ZNF248: variants seen among roughly 807,000 people sequenced by gnomAD.
ZNF248 encodes zinc finger protein 248.
Under a neutral mutation model 44.3 loss-of-function variants are expected in ZNF248, and 20 were observed. The ratio of observed to expected loss-of-function variants is 0.45; its 90% CI spans 0.32 to 0.66. The LOEUF (loss-of-function observed/expected upper bound fraction) is 0.66. ZNF248 is among the 30% of genes least tolerant of loss of function. The pLI, the probability that ZNF248 is intolerant of heterozygous loss-of-function variation, is 0.04. For missense variants in ZNF248, 654 were observed against 677.0 expected (o/e 0.97, Z 0.38); for synonymous variants, 224 against 229.0 (o/e 0.98, Z 0.20).
chr10:37,851,149 C>A (rs1025890930), intron 3 of ZNF248, among the ~76,000 whole-genome samples: 2 of 151,934 alleles, frequency 1.3e-5, no homozygotes, highest in African/African-American at 4.8e-5. Flanking sequence ...AATATGCCAC[C>A]CCAAAATATG....
At chr10:37,857,677 CACA>C (rs982602019), upstream of ZNF248, 7 of 152,304 alleles carry the variant, frequency 4.6e-5, no homozygotes, top group Admixed American at 2.0e-4. Context: ...TGCGCACGCG[CACA>C]ACAAACGTCA....
chr10:37,829,290 G>A lies in ZNF248; in HGVS notation c.*2325C>T, dbSNP rs2054985625. ...AGGCTCAGAATGGCAATGGCTTCCT[G>A]CTGATACAAGTCTCTGGGTGTTTCA... On this transcript the variant is annotated 3_prime_UTR_variant, in exon 6 of 6. Transcript: ENST00000395867. 4.1e-6 allele frequency: 4 copies of A among 985,322 alleles called. No homozygotes were observed. The highest frequency in any genetic ancestry group is 4.8e-6 in the Non-Finnish European group (4 of 829,880). The allele number at this position is 985,322 out of a possible 1,614,324, so 61.0% of individuals were successfully genotyped here.
intron 3 of ZNF248, among the ~76,000 whole-genome samples, chr10:37,841,043 CTTT>C (rs1169978866): frequency 6.6e-6 from 1 of 152,192 alleles, no homozygotes; most frequent in African/African-American, 2.4e-5. Flanking sequence ...GAAAATCCTT[CTTT>C]AAGACTGTCT....
At chr10:37,819,367 A>C in intron 6 of ZNF248, 1 of 1,283,896 alleles carries the variant, frequency 7.8e-7, no homozygotes. Flanking sequence ...CCAGTTCTTT[A>C]TGAATCCAGT....
At chr10:37,808,602 AC>A (rs2050974456) in intron 6 of ZNF248, among the ~76,000 whole-genome samples, 1 of 152,006 alleles carries the variant, frequency 6.6e-6, no homozygotes, top group Non-Finnish European at 1.5e-5. Context: ...AATCTTTTCA[AC>A]ATGTTCCTGA....
Position 37,831,410 on chromosome 10 carries a change from T to A in ZNF248, c.*205A>T, listed in dbSNP as rs2055586834. On this transcript the variant is annotated 3_prime_UTR_variant, in exon 6 of 6. Coordinates refer to ENST00000395867, the MANE Select transcript of ZNF248 (RefSeq NM_021045.3). The stretch of plus-strand genomic sequence containing the variant: ...AACACTAAACAACATAAATTCCAGA[T>A]AAATATTTTCACCATATTACTTAGA... 2.6e-6 allele frequency: 4 copies of A among 1,516,824 alleles called. No individual in the cohort carries two copies. Among genetic ancestry groups the A allele is most frequent in the Non-Finnish European group, 3.5e-6 (4 of 1,132,354 alleles). The allele number at this position is 1,516,824 out of a possible 1,614,324, so 94.0% of individuals were successfully genotyped here.
At chr10:37,763,332 A>C in the ZNF248 span, among the ~76,000 whole-genome samples, 1 of 152,200 alleles carries the variant, frequency 6.6e-6, no homozygotes, top group Non-Finnish European at 1.5e-5. Flanking sequence ...AATAGGTGCT[A>C]ATTTTCTCAG....
chr10:37,777,409 C>A (rs1779051), intron 6 of ZNF248, among the ~76,000 whole-genome samples: 1 of 152,082 alleles, frequency 6.6e-6, no homozygotes, highest in Admixed American at 6.6e-5. Flanking sequence ...TTTCTGATTT[C>A]CTCCCTGTTC....
chr10:37,850,301 A>G (rs1564667051), intron 3 of ZNF248, among the ~76,000 whole-genome samples: 1 of 152,244 alleles, frequency 6.6e-6, no homozygotes, highest in Non-Finnish European at 1.5e-5. Context: ...AAGAAAGATA[A>G]AAAATGCTAA....
chr10:37,796,326 G>T (rs1327896958), intron 6 of ZNF248, among the ~76,000 whole-genome samples: 3 of 149,146 alleles, frequency 2.0e-5, no homozygotes, highest in Non-Finnish European at 4.4e-5. Context: ...AGCAATTCTT[G>T]TGCCTCAGCC....
In ZNF248 at chr10:37,856,734, G is replaced by A. The variant is rs1270845885; in HGVS notation, c.-125-202C>T. 6.1e-6 allele frequency: 6 copies of A among 987,814 alleles called. No individual in the cohort carries two copies. In the African/African-American group the frequency reaches 1.0e-4, roughly 17 times the overall value. 61.2% of individuals were successfully genotyped at this position (987,814 alleles called of 1,614,324 possible). On this transcript the variant is annotated intron_variant, in intron 1 of 5. Coordinates refer to ENST00000395867, the MANE Select transcript of ZNF248 (RefSeq NM_021045.3). Reference sequence around the variant, plus strand: ...AAAAGACCTCTAAAAAAAGGGATAGGATGTTAAATGCAAGTTTAAAAATGT... The same window carrying A: ...AAAAGACCTCTAAAAAAAGGGATAGAATGTTAAATGCAAGTTTAAAAATGT...
chr10:37,815,147 ACCTCTGCCTCCTG>A (rs1382104877), intron 6 of ZNF248, among the ~76,000 whole-genome samples: 12 of 151,858 alleles, frequency 7.9e-5, no homozygotes, highest in Admixed American at 3.3e-4. Context: ...GCTCACTGCA[ACCTCTGCCTCCTG>A]GGTTCAAGCG....
At chr10:37,783,119 G>A (rs1185135951) in intron 6 of ZNF248, among the ~76,000 whole-genome samples, 1 of 152,084 alleles carries the variant, frequency 6.6e-6, no homozygotes, top group African/African-American at 2.4e-5. Flanking sequence ...GGCAGATGCA[G>A]GCCATACCAC....
chr10:37,820,890 C>A, intron 6 of ZNF248: 1 of 1,368,848 alleles, frequency 7.3e-7, no homozygotes. Context: ...GTTTTTTCCT[C>A]TTCTAGTTTT....
chr10:37,804,540 C>A (rs1470448057), intron 6 of ZNF248, among the ~76,000 whole-genome samples: 1 of 152,160 alleles, frequency 6.6e-6, no homozygotes, highest in Non-Finnish European at 1.5e-5. Context: ...CTCAAGTGAT[C>A]CTCCCACCTC....
intron 6 of ZNF248, among the ~76,000 whole-genome samples, chr10:37,797,955 T>C (rs1026370103): frequency 6.6e-6 from 1 of 152,126 alleles, no homozygotes; most frequent in Non-Finnish European, 1.5e-5. Flanking sequence ...AGTCTACTCC[T>C]AGGTATATAT....
intron 6 of ZNF248, chr10:37,795,556 T>A (rs2049055340): frequency 6.6e-6 from 1 of 152,206 alleles, no homozygotes; most frequent in Non-Finnish European, 1.5e-5. Context: ...CTTTTCCATA[T>A]TCATTAAATC....
intron 6 of ZNF248, among the ~76,000 whole-genome samples, chr10:37,790,981 A>G (rs1267545927): frequency 1.4e-5 from 2 of 147,258 alleles, no homozygotes; most frequent in Non-Finnish European, 3.0e-5. Context: ...ACAACAGTCA[A>G]GTTCCCACCT....
the ZNF248 span, among the ~76,000 whole-genome samples, chr10:37,765,998 T>G: frequency 6.6e-6 from 1 of 152,100 alleles, no homozygotes; most frequent in Admixed American, 6.5e-5. Context: ...GCCCACGGAG[T>G]CTCACTGATT....
Sources: gnomAD v4.1 joint callset for allele counts (sites outside exome capture counted in the v4.1 genomes callset) on GRCh38, gnomAD v4.1.1 for gene constraint, MANE v1.5 for transcripts, NCBI Gene and HGNC (gene_info 2026-07-23, HGNC 2026-07-21) for gene names.